Variants in ZNF264 observed in about 807,000 individuals in gnomAD.
ZNF264 encodes zinc finger protein 264.
A neutral mutation model predicts 11.2 loss-of-function variants in ZNF264; 11 were observed. The ratio of observed to expected loss-of-function variants is 0.98; its 90% CI spans 0.62 to 1.63. The LOEUF is 1.63. Among genes scored for constraint, ZNF264 ranks in the 40% most tolerant of loss-of-function variants. ZNF264 has a pLI of 0.00. For missense variants in ZNF264, 752 were observed against 768.1 expected (o/e 0.98, Z 0.25); for synonymous variants, 309 against 279.8 (o/e 1.10, Z -1.04).
At position 57,212,470 on chromosome 19, in the gene ZNF264, A is replaced by G. The variant is rs1280345811; in HGVS notation, c.1373A>G (p.Lys458Arg). The change falls in exon 4 of 4, where the codon AAA becomes AGA. Residue 458 changes from lysine (K) to arginine (R), a missense_variant. By Grantham distance (26) the Lys-to-Arg change is conservative (BLOSUM62 2). Coordinates refer to ENST00000263095, the MANE Select transcript of ZNF264 (RefSeq NM_003417.5). The stretch of plus-strand genomic sequence containing the variant: ...ACTGGAGAAAAGCCTTTCGAGTGCA[A>G]AGAGTGTGGGAAAGCCTTTAGCAAT... ...AHTGEKPFECKECGKAFSNRK... is the reference protein window; with the variant it reads ...AHTGEKPFECRECGKAFSNRK... 2.5e-6 allele frequency: 4 copies of G among 1,612,304 alleles called. No homozygotes were observed. The highest frequency in any genetic ancestry group is 1.3e-5 in the African/African-American group (1 of 74,188).
Position 57,213,180 on chromosome 19 carries a change from G to T in ZNF264, c.*199G>T, listed in dbSNP as rs2087354503. ...TTATCTCAGGAATTATTTTTAAAAG[G>T]AGGAGGGGACATAGAAAAAATGAAA... On this transcript the variant is annotated 3_prime_UTR_variant, in exon 4 of 4. Transcript: ENST00000263095. The T allele has an allele frequency of 4.1e-6, 2 of 492,954 alleles. No individual in the cohort carries two copies. The highest frequency in any genetic ancestry group is 3.1e-5 in the East Asian group (1 of 31,886). 30.5% of individuals were successfully genotyped at this position (492,954 alleles called of 1,614,324 possible).
At position 57,216,270 on chromosome 19, in the gene ZNF264, G is replaced by C; in HGVS notation, c.*3289G>C. On this transcript the variant is annotated 3_prime_UTR_variant, in exon 4 of 4. Transcript: ENST00000263095. ...GGGGGCTGAGGCAGGAGGATCAGTT[G>C]AACGTGGGAGGCAGAGGTTGCAGTG... 6.6e-6 allele frequency: 1 copy of C among 152,300 alleles called. No homozygotes were observed. Among genetic ancestry groups the C allele is most frequent in the East Asian group, 1.9e-4 (1 of 5,196 alleles). 9.4% of individuals were successfully genotyped at this position (152,300 alleles called of 1,614,324 possible).
At chr19:57,202,136 G>C (rs10417704) in intron 2 of ZNF264, among the ~76,000 whole-genome samples, 18,614 of 151,786 alleles carry the variant, frequency 0.12, 1,320 homozygotes, top group Admixed American at 0.14. Flanking sequence ...CCTGAGCCTG[G>C]GAGGTAGAGG....
rs1342601722 is a variant in ZNF264 at position 57,218,972 on chromosome 19, GCC to G, written c.*5993_*5994del. On this transcript the variant is annotated 3_prime_UTR_variant, in exon 4 of 4. Coordinates refer to ENST00000263095, the MANE Select transcript of ZNF264 (RefSeq NM_003417.5). ...GTTAAACTATCTGGGGGAATAGAAA[GCC>G]CACAGTCTTCTGAGTTGTGCTACAC... The G allele has an allele frequency of 6.6e-6, 1 of 152,136 alleles. No individual in the cohort carries two copies. The highest frequency in any genetic ancestry group is 1.9e-4 in the East Asian group (1 of 5,196). The allele number at this position is 152,136 out of a possible 1,614,324, so 9.4% of individuals were successfully genotyped here. A position where few individuals can be genotyped will look rare whatever the true frequency, so the allele number is the denominator to read the frequency against.
chr19:57,218,303 T>C lies in ZNF264; in HGVS notation c.*5322T>C, dbSNP rs2087394516. The C allele has an allele frequency of 1.3e-5, 2 of 152,212 alleles. No individual in the cohort carries two copies. The highest frequency in any genetic ancestry group is 6.5e-5 in the Admixed American group (1 of 15,280). The allele number at this position is 152,212 out of a possible 1,614,324, so 9.4% of individuals were successfully genotyped here. On this transcript the variant is annotated 3_prime_UTR_variant, in exon 4 of 4. Coordinates refer to ENST00000263095, the MANE Select transcript of ZNF264 (RefSeq NM_003417.5). ...AGATGTATCTCTCTGTTCTGTACAT[T>C]ATTGTTTAATATAAGAAACCTACTA...
rs763065528 is a variant in ZNF264 at position 57,212,613 on chromosome 19, A to G, written c.1516A>G (p.Ser506Gly). The change falls in exon 4 of 4, where the codon AGT (serine) becomes GGT (glycine). Residue 506 changes from serine to glycine, a missense_variant. Transcript: ENST00000263095. ...SGLTRHKRIHSGEKPYECVEC... is the reference protein window; with the variant it reads ...SGLTRHKRIHGGEKPYECVEC... ...CCTCACGAGGCACAAGCGGATTCAT[A>G]GTGGAGAGAAGCCCTATGAATGTGT... 41 of 1,614,164 alleles carry G rather than the reference A, an allele frequency of 2.5e-5. No homozygotes were observed. The highest frequency in any genetic ancestry group is 3.5e-5 in the Non-Finnish European group (41 of 1,180,022).
intron 3 of ZNF264, among the ~76,000 whole-genome samples, 159 bp from the exon 4 acceptor site, chr19:57,211,195 C>G (rs2087332156): frequency 6.6e-6 from 1 of 152,048 alleles, no homozygotes; most frequent in Admixed American, 6.6e-5. Context: ...AGTCCAAGGA[C>G]CAGGATAGAA....
At chr19:57,192,243 G>A (rs2087179257) in intron 1 of ZNF264, 7 of 729,492 alleles carry the variant, frequency 9.6e-6, no homozygotes, top group African/African-American at 1.9e-5. Context: ...GGGGCCTGAG[G>A]GGGGAAGGGG....
In ZNF264 at chr19:57,217,380, C is replaced by T. The variant is rs755715862; in HGVS notation, c.*4399C>T. The T allele has an allele frequency of 6.6e-6, 1 of 151,948 alleles. No individual in the cohort carries two copies. The highest frequency in any genetic ancestry group is 1.5e-5 in the Non-Finnish European group (1 of 67,986). 9.4% of individuals were successfully genotyped at this position (151,948 alleles called of 1,614,324 possible). A position where few individuals can be genotyped will look rare whatever the true frequency, so the allele number is the denominator to read the frequency against. Reference sequence around the variant, plus strand: ...TAACTATCTTAAGTAATAGTAATTCCTCTTCAAAAATTGAGCGCTATGTTG... The same window carrying T: ...TAACTATCTTAAGTAATAGTAATTCTTCTTCAAAAATTGAGCGCTATGTTG... On this transcript the variant is annotated 3_prime_UTR_variant, in exon 4 of 4. Coordinates refer to ENST00000263095, the MANE Select transcript of ZNF264 (RefSeq NM_003417.5).
intron 2 of ZNF264, chr19:57,194,759 CTT>C (rs988473895): frequency 2.5e-6 from 1 of 399,834 alleles, no homozygotes; most frequent in African/African-American, 2.1e-5. Flanking sequence ...ATGTTGATCT[CTT>C]TTGGCAGCAC....
At position 57,198,066 on chromosome 19, in the gene ZNF264, G is replaced by A. The variant is rs764154392; in HGVS notation, c.160+4065G>A. Reference sequence around the variant, plus strand: ...GTTGATAGGCCCCTAGGGTAGGACCGTGAAGGTATATTGCTGGCCTTGCCA... The same window carrying A: ...GTTGATAGGCCCCTAGGGTAGGACCATGAAGGTATATTGCTGGCCTTGCCA... On this transcript the variant is annotated intron_variant, in intron 2 of 3. Coordinates refer to ENST00000263095, the MANE Select transcript of ZNF264 (RefSeq NM_003417.5). Among the ~76,000 whole-genome samples the A allele has an allele frequency of 7.2e-5, 11 of 152,008 alleles. 1 individual carries two copies. Among genetic ancestry groups the A allele is most frequent in the African/African-American group, 2.4e-4 (10 of 41,244 alleles).
chr19:57,203,340 G>A (rs1037007276), intron 2 of ZNF264, among the ~76,000 whole-genome samples: 1 of 152,148 alleles, frequency 6.6e-6, no homozygotes, highest in East Asian at 1.9e-4. Flanking sequence ...AAAGGCATGT[G>A]CTTGTTCCCA....
intron 2 of ZNF264, among the ~76,000 whole-genome samples, chr19:57,201,971 G>A (rs935743375): frequency 6.6e-6 from 1 of 151,724 alleles, no homozygotes; most frequent in African/African-American, 2.4e-5. Context: ...CAGCAGTATG[G>A]GAGGCAAGAG....
chr19:57,222,319 C>T lies in ZNF264; in HGVS notation c.*9338C>T, dbSNP rs1158480798. The T allele has an allele frequency of 1.4e-5, 2 of 145,206 alleles. No individual in the cohort carries two copies. The highest frequency in any genetic ancestry group is 3.0e-5 in the Non-Finnish European group (2 of 67,092). The allele number at this position is 145,206 out of a possible 1,614,324, so 9.0% of individuals were successfully genotyped here. On this transcript the variant is annotated 3_prime_UTR_variant, in exon 4 of 4. Transcript: ENST00000263095. Reference sequence around the variant, plus strand: ...CCGAGATCATGCCACTGCACTCCAGCCTGGGTGACAGAGTGAGACTGTGTC... The same window carrying T: ...CCGAGATCATGCCACTGCACTCCAGTCTGGGTGACAGAGTGAGACTGTGTC...
rs762461473 is a variant in ZNF264 at position 57,212,664 on chromosome 19, A to T, written c.1567A>T (p.Ser523Cys). 27 of 1,613,832 alleles carry T rather than the reference A, an allele frequency of 1.7e-5. No homozygotes were observed. The highest frequency in any genetic ancestry group is 1.4e-5 in the Non-Finnish European group (17 of 1,180,008). Residue 523 changes from serine to cysteine, a missense_variant, in exon 4 of 4, where the codon AGC becomes TGC. Coordinates refer to ENST00000263095, the MANE Select transcript of ZNF264 (RefSeq NM_003417.5). ...TGAGTGTGGGAAATCGTTTTGCTGGAGCACAAACCTCATTCGACATGCCAT... is the reference window on the plus strand; with the variant it reads ...TGAGTGTGGGAAATCGTTTTGCTGGTGCACAAACCTCATTCGACATGCCAT... ...CVECGKSFCWSTNLIRHAIIH... is the reference protein window; with the variant it reads ...CVECGKSFCWCTNLIRHAIIH...
chr19:57,207,538 T>C (rs1332395367), intron 3 of ZNF264, among the ~76,000 whole-genome samples: 1 of 150,288 alleles, frequency 6.7e-6, no homozygotes, highest in Non-Finnish European at 1.5e-5. Context: ...TTCTTCTTTT[T>C]TCTTTTCTTT....
intron 2 of ZNF264, among the ~76,000 whole-genome samples, chr19:57,201,720 A>G (rs1387290191): frequency 6.6e-6 from 1 of 151,786 alleles, no homozygotes; most frequent in African/African-American, 2.4e-5. Context: ...TCTGAGGAGC[A>G]CTCCTTTAGG....
At position 57,221,858 on chromosome 19, in the gene ZNF264, C is replaced by A. The variant is rs940487364; in HGVS notation, c.*8877C>A. ...TTGGGTGGGTGGAGCAGTAGTAAGC[C>A]TCCCAAAATCTAAGGTCCCACACTC... On this transcript the variant is annotated 3_prime_UTR_variant, in exon 4 of 4. Coordinates refer to ENST00000263095, the MANE Select transcript of ZNF264 (RefSeq NM_003417.5). 1 of 152,140 alleles carries A rather than the reference C, an allele frequency of 6.6e-6. No homozygotes were observed. The highest frequency in any genetic ancestry group is 2.4e-5 in the African/African-American group (1 of 41,430). The allele number at this position is 152,140 out of a possible 1,614,324, so 9.4% of individuals were successfully genotyped here. A position where few individuals can be genotyped will look rare whatever the true frequency, so the allele number is the denominator to read the frequency against.
rs549185802 is a variant in ZNF264 at position 57,195,794 on chromosome 19, G to A, written c.160+1793G>A. Among the ~76,000 whole-genome samples the A allele has an allele frequency of 1.4e-3, 215 of 151,922 alleles. 1 individual carries two copies. Among genetic ancestry groups the A allele is most frequent in the Non-Finnish European group, 2.6e-3 (178 of 68,020 alleles). On this transcript the variant is annotated intron_variant, in intron 2 of 3. Coordinates refer to ENST00000263095, the MANE Select transcript of ZNF264 (RefSeq NM_003417.5). ...TAGGAGGAGCCCAAAGTGTCCAGGT[G>A]GCAATCTTAACTTCCAGTTTAATGG...
Sources: gnomAD v4.1 joint callset for allele counts (sites outside exome capture counted in the v4.1 genomes callset) on GRCh38, gnomAD v4.1.1 for gene constraint, MANE v1.5 for transcripts, NCBI Gene and HGNC (gene_info 2026-07-23, HGNC 2026-07-21) for gene names.